APBB2: variants seen among roughly 807,000 people sequenced by gnomAD.
APBB2 encodes the protein amyloid beta precursor protein binding family B member 2.
APBB2 carries 38 observed loss-of-function variants against 82.5 expected under a neutral mutation model. That is an observed-to-expected ratio of 0.46 (90% CI 0.36 to 0.60). The LOEUF (loss-of-function observed/expected upper bound fraction) is 0.60. Ranked by LOEUF, APBB2 falls within the 20% of genes least tolerant of loss-of-function variation. The probability of loss-of-function intolerance (pLI) is 0.00; values close to 1 mark genes in which losing one functional copy is unlikely to be tolerated. For synonymous variants in APBB2, 341 were observed against 368.2 expected, an observed-to-expected ratio of 0.93 and a Z score of 0.85; for missense variants, 772 against 972.3, an observed-to-expected ratio of 0.79 and a Z score of 2.74.
intron 5 of APBB2, among the ~76,000 whole-genome samples, chr4:41,027,386 T>C (rs997123495): frequency 1.5e-5 from 1 of 66,392 alleles, no homozygotes; most frequent in African/African-American, 4.1e-5. Context: ...TATATATATA[T>C]ATATATATAT....
intron 5 of APBB2, among the ~76,000 whole-genome samples, chr4:41,022,863 G>A (rs1335452221): frequency 6.6e-6 from 1 of 152,102 alleles, no homozygotes; most frequent in East Asian, 1.9e-4. Context: ...TAATAGTTAA[G>A]TCAACAGGAA....
intron 6 of APBB2, among the ~76,000 whole-genome samples, chr4:40,982,584 C>T (rs545591452): frequency 1.3e-5 from 2 of 151,752 alleles, no homozygotes; most frequent in Non-Finnish European, 2.9e-5. Flanking sequence ...GCCTGGGGAC[C>T]ACAGTGAAAC....
Position 40,893,416 on chromosome 4 carries a change from A to C in APBB2, c.1255-5T>G. ...CAGAGAACGCACAGCAAAACACTGG[A>C]AGACAGTGAAAGAGGACAAGAAGTC... On this transcript the variant is annotated splice_polypyrimidine_tract_variant and splice_region_variant and intron_variant, in intron 10 of 17. Transcript: ENST00000508593. The C allele has an allele frequency of 6.2e-7, 1 of 1,603,464 alleles. No individual in the cohort carries two copies. The highest frequency in any genetic ancestry group is 8.5e-7 in the Non-Finnish European group (1 of 1,173,692).
chr4:40,944,721 A>G (rs1014647686), intron 7 of APBB2, 144 bp downstream of exon 7: 4 of 747,700 alleles, frequency 5.3e-6, no homozygotes, highest in African/African-American at 3.5e-5. Context: ...ACTAAGAGGA[A>G]GCATTACTGA....
intron 12 of APBB2, among the ~76,000 whole-genome samples, chr4:40,851,740 T>TATATATATATATATA (rs1560700519): frequency 2.3e-3 from 93 of 39,768 alleles, no homozygotes; most frequent in Middle Eastern, 0.01. Flanking sequence ...ATATATATAT[T>TATATATATATATATA]TTTTTTTTTT....
chr4:40,983,782 G>A (rs919306983), intron 6 of APBB2, among the ~76,000 whole-genome samples: 2 of 152,040 alleles, frequency 1.3e-5, no homozygotes, highest in Non-Finnish European at 2.9e-5. Flanking sequence ...TCCACACGTC[G>A]GCCAAGCTGG....
chr4:40,962,788 C>T (rs1471394505), intron 6 of APBB2, among the ~76,000 whole-genome samples: 1 of 152,170 alleles, frequency 6.6e-6, no homozygotes, highest in Non-Finnish European at 1.5e-5. Context: ...TATCACCATA[C>T]AGCCTGCCTG....
chr4:40,865,059 T>C (rs905969268), intron 12 of APBB2, among the ~76,000 whole-genome samples: 2 of 152,068 alleles, frequency 1.3e-5, no homozygotes, highest in African/African-American at 4.8e-5. Context: ...GGTTTTACCA[T>C]GTTGGTCAGG....
intron 12 of APBB2, among the ~76,000 whole-genome samples, chr4:40,867,024 G>C (rs538988122): frequency 7.8e-4 from 119 of 152,276 alleles, no homozygotes; most frequent in Non-Finnish European, 1.2e-3. Context: ...CCAAAATGTT[G>C]AGATTACAGG....
intron 1 of APBB2, among the ~76,000 whole-genome samples, chr4:41,152,238 A>T (rs1380360337): frequency 6.6e-6 from 1 of 151,816 alleles, no homozygotes; most frequent in East Asian, 1.9e-4. Context: ...TTTCATACCT[A>T]GTAATTTTAT....
intron 7 of APBB2, among the ~76,000 whole-genome samples, chr4:40,939,003 C>T (rs892005426): frequency 5.3e-5 from 8 of 152,198 alleles, no homozygotes; most frequent in Non-Finnish European, 1.0e-4. Flanking sequence ...GGAAGAGAGA[C>T]CTGAGCTGGC....
chr4:41,205,607 T>C (rs17443388), intron 1 of APBB2, among the ~76,000 whole-genome samples: 17,565 of 152,190 alleles, frequency 0.12, 1,267 homozygotes, highest in South Asian at 0.19. Context: ...GGCCATTTCC[T>C]ACACCAAAGC....
Position 40,950,032 on chromosome 4 carries a change from G to A in APBB2, c.836-4959C>T, listed in dbSNP as rs185094305. Among the ~76,000 whole-genome samples, 172 of 152,246 alleles carry A rather than the reference G, an allele frequency of 1.1e-3. 1 individual carries two copies. The highest frequency in any genetic ancestry group is 1.0e-3 in the Non-Finnish European group (69 of 68,020). ...CGACTCGCCTGGAGGACTGGAATTC[G>A]GACCAACTGCGGGGGCTACTGAAGG... is the stretch of plus-strand genomic sequence containing the variant. On this transcript the variant is annotated intron_variant, in intron 6 of 17. Transcript: ENST00000508593.
chr4:41,005,916 C>T (rs1248114417), intron 6 of APBB2, among the ~76,000 whole-genome samples: 6 of 152,198 alleles, frequency 3.9e-5, no homozygotes, highest in African/African-American at 1.2e-4. Context: ...AACTGACTGA[C>T]GTTTCTTCCT....
intron 4 of APBB2, among the ~76,000 whole-genome samples, chr4:41,050,544 G>A (rs551461266): frequency 3.3e-4 from 51 of 152,318 alleles, no homozygotes; most frequent in African/African-American, 1.2e-3. Context: ...TTCCTATGTA[G>A]CCATTCCTAC....
chr4:40,896,617 TG>T (rs1213872373), intron 10 of APBB2, among the ~76,000 whole-genome samples: 1 of 152,236 alleles, frequency 6.6e-6, no homozygotes, highest in Non-Finnish European at 1.5e-5. Context: ...TACAGTGTCA[TG>T]TAACTCTTAA....
At chr4:41,183,315 T>C (rs115809427) in intron 1 of APBB2, among the ~76,000 whole-genome samples, 6,451 of 152,296 alleles carry the variant, frequency 0.042, 150 homozygotes, top group Middle Eastern at 0.058. Flanking sequence ...TAAGTTGGAT[T>C]GCATCATTCC....
chr4:41,060,798 C>G (rs1560643945), intron 4 of APBB2, among the ~76,000 whole-genome samples: 1 of 152,058 alleles, frequency 6.6e-6, no homozygotes, highest in Non-Finnish European at 1.5e-5. Context: ...GATCCACATA[C>G]CAGAGGGGAA....
intron 12 of APBB2, among the ~76,000 whole-genome samples, chr4:40,852,351 C>CAAAAAAA: frequency 1.1e-5 from 1 of 94,006 alleles, no homozygotes; most frequent in Non-Finnish European, 2.2e-5. Flanking sequence ...ACTCTGTCTT[C>CAAAAAAA]AAAAAAAAAA....
Sources: gnomAD v4.1 joint callset for allele counts (sites outside exome capture counted in the v4.1 genomes callset) on GRCh38, gnomAD v4.1.1 for gene constraint, MANE v1.5 for transcripts, NCBI Gene and HGNC (gene_info 2026-07-23, HGNC 2026-07-21) for gene names.